FSTL5: variants seen among roughly 807,000 people sequenced by gnomAD.
FSTL5 encodes the protein follistatin like 5.
Under a neutral mutation model 89.1 loss-of-function variants are expected in FSTL5, and 62 were observed. The observed-to-expected ratio is 0.70, with a 90% CI of 0.57 to 0.86. The LOEUF (loss-of-function observed/expected upper bound fraction) is 0.86. Among genes scored for constraint, FSTL5 ranks in the 40% least tolerant of loss-of-function variants. The pLI is 0.00. For missense variants in FSTL5, 1,057 were observed against 1,001.6 expected (o/e 1.06, Z -0.75); for synonymous variants, 383 against 346.2 (o/e 1.11, Z -1.18).
chr4:161,940,273 T>A (rs1734542311), intron 3 of FSTL5, among the ~76,000 whole-genome samples: 1 of 151,500 alleles, frequency 6.6e-6, no homozygotes, highest in Admixed American at 6.6e-5. Flanking sequence ...TTGACAAAAA[T>A]GAACAAGCCT....
intron 4 of FSTL5, among the ~76,000 whole-genome samples, chr4:161,874,049 T>G (rs754946480): frequency 1.2e-4 from 18 of 152,224 alleles, no homozygotes; most frequent in Non-Finnish European, 2.1e-4. Flanking sequence ...TTCTCTGTAC[T>G]GTATGCTTTG....
intron 1 of FSTL5, among the ~76,000 whole-genome samples, chr4:162,120,735 G>A (rs965997515): frequency 6.6e-6 from 1 of 151,896 alleles, no homozygotes; most frequent in Non-Finnish European, 1.5e-5. Flanking sequence ...CTTATTCCTA[G>A]CATAGTATTT....
chr4:161,970,491 A>C (rs1231565219), intron 3 of FSTL5, among the ~76,000 whole-genome samples: 5 of 152,096 alleles, frequency 3.3e-5, no homozygotes, highest in African/African-American at 1.2e-4. Flanking sequence ...GGCATACTAC[A>C]TCTTACTGGG....
intron 3 of FSTL5, among the ~76,000 whole-genome samples, chr4:161,989,319 T>C (rs983285957): frequency 1.3e-5 from 2 of 152,150 alleles, no homozygotes; most frequent in East Asian, 3.8e-4. Flanking sequence ...GGTCAGCCCA[T>C]TGTATTCCCA....
chr4:161,992,896 ATGTGTG>A (rs1207744093), intron 3 of FSTL5, among the ~76,000 whole-genome samples: 101 of 22,810 alleles, frequency 4.4e-3, no homozygotes, highest in African/African-American at 0.011. Flanking sequence ...ATATATATAT[ATGTGTG>A]TGTATATATA....
intron 4 of FSTL5, among the ~76,000 whole-genome samples, chr4:161,885,399 G>A (rs1579167907): frequency 6.6e-6 from 1 of 151,872 alleles, no homozygotes; most frequent in African/African-American, 2.4e-5. Flanking sequence ...ACAAAGAAGT[G>A]TATACATACA....
At chr4:161,409,984 A>T (rs1405188557) in intron 15 of FSTL5, among the ~76,000 whole-genome samples, 1 of 152,234 alleles carries the variant, frequency 6.6e-6, no homozygotes, top group Non-Finnish European at 1.5e-5. Flanking sequence ...TCTCCTCAAG[A>T]GACCGATTTC....
At chr4:161,956,280 A>G (rs1157438668) in intron 3 of FSTL5, among the ~76,000 whole-genome samples, 5 of 71,316 alleles carry the variant, frequency 7.0e-5, no homozygotes, top group Non-Finnish European at 2.3e-4. Context: ...GTAAGTAAAG[A>G]GATTGCCCAA....
intron 15 of FSTL5, among the ~76,000 whole-genome samples, chr4:161,408,661 C>T (rs1359367200): frequency 6.6e-6 from 1 of 152,056 alleles, no homozygotes; most frequent in Non-Finnish European, 1.5e-5. Context: ...AAAACTCTGT[C>T]CAAGGAAGCC....
chr4:162,045,366 T>G (rs1738130406), intron 2 of FSTL5, among the ~76,000 whole-genome samples: 1 of 152,080 alleles, frequency 6.6e-6, no homozygotes, highest in Non-Finnish European at 1.5e-5. Context: ...CAATATATCA[T>G]AAAGGTGCAG....
chr4:162,013,199 A>T (rs958021218), intron 3 of FSTL5, among the ~76,000 whole-genome samples: 43 of 150,484 alleles, frequency 2.9e-4, no homozygotes, highest in South Asian at 6.3e-4. Flanking sequence ...AAAAAAAAAA[A>T]TTTTCAGTAT....
chr4:162,004,264 G>T (rs1736548691), intron 3 of FSTL5, among the ~76,000 whole-genome samples: 1 of 152,040 alleles, frequency 6.6e-6, no homozygotes, highest in Admixed American at 6.6e-5. Context: ...CTCCTAAATT[G>T]TCTAGTCAAA....
chr4:161,833,970 C>T (rs1730941339), intron 4 of FSTL5, among the ~76,000 whole-genome samples: 1 of 152,054 alleles, frequency 6.6e-6, no homozygotes, highest in Admixed American at 6.6e-5. Flanking sequence ...CAGTTTCTTC[C>T]TAGCCTCGAT....
intron 3 of FSTL5, among the ~76,000 whole-genome samples, chr4:161,936,697 G>A (rs75730329): frequency 6.6e-6 from 1 of 152,080 alleles, no homozygotes; most frequent in Non-Finnish European, 1.5e-5. Context: ...CCTCCCTTAT[G>A]CAATCCTGGT....
At chr4:161,805,785 T>A (rs932343635) in intron 4 of FSTL5, among the ~76,000 whole-genome samples, 10 of 152,106 alleles carry the variant, frequency 6.6e-5, no homozygotes, top group African/African-American at 2.4e-4. Context: ...TGGAGACGAT[T>A]CCTACCATTT....
intron 1 of FSTL5, among the ~76,000 whole-genome samples, chr4:162,146,665 CT>C (rs1732999087): frequency 1.2e-4 from 1 of 8,298 alleles, no homozygotes; most frequent in Non-Finnish European, 3.6e-4. Context: ...CCTAATGTCC[CT>C]TCCCTTCCCT....
intron 6 of FSTL5, among the ~76,000 whole-genome samples, chr4:161,712,801 T>A (rs1168041143): frequency 1.3e-5 from 2 of 150,140 alleles, no homozygotes; most frequent in East Asian, 3.9e-4. Context: ...CTGAGTTCAC[T>A]GGAGATCTCA....
chr4:162,126,974 T>C (rs1366367888), intron 1 of FSTL5, among the ~76,000 whole-genome samples: 1 of 152,182 alleles, frequency 6.6e-6, no homozygotes, highest in African/African-American at 2.4e-5. Flanking sequence ...ACCAGCCTAG[T>C]GGTCAGCTTG....
rs767455460 is a variant in FSTL5, at chr4:161,385,920, A to G, written c.2371T>C (p.Trp791Arg). The change falls in exon 16 of 16, where the codon TGG becomes CGG. Residue 791 changes from tryptophan to arginine, a missense_variant. Coordinates refer to ENST00000306100, the MANE Select transcript of FSTL5 (RefSeq NM_020116.5). ...SLKEPLKAEE[W>R]PWNRKNRQIQ... ...TGCCTGTTTTTCCGGTTCCAAGGCC[A>G]TTCTTCTGCCTTGAGTGGTTCCTTG... is the stretch of plus-strand genomic sequence containing the variant. 6.2e-7 allele frequency: 1 copy of G among 1,613,792 alleles called. No individual in the cohort carries two copies. The highest frequency in any genetic ancestry group is 1.7e-5 in the Admixed American group (1 of 59,960).
Sources: allele counts gnomAD v4.1 joint callset (sites outside exome capture counted in the v4.1 genomes callset), GRCh38; gene constraint gnomAD v4.1.1; transcripts MANE v1.5; gene names NCBI Gene and HGNC (gene_info 2026-07-23, HGNC 2026-07-21).